THAP4: variants seen among roughly 807,000 people sequenced by gnomAD.
THAP4 encodes the protein peroxynitrite isomerase THAP4.
THAP4 carries 18 observed loss-of-function variants against 48.1 expected under a neutral mutation model. The observed-to-expected ratio is 0.37, with a 90% CI of 0.26 to 0.56. The LOEUF (loss-of-function observed/expected upper bound fraction) is 0.56. THAP4 is among the 20% of genes least tolerant of loss of function. THAP4 has a pLI of 0.78. For missense variants in THAP4, 656 were observed against 774.9 expected (o/e 0.85, Z 1.82); for synonymous variants, 345 against 324.9 (o/e 1.06, Z -0.66).
chr2:241,626,666 T>A (rs1360767026), intron 2 of THAP4, among the ~76,000 whole-genome samples: 1 of 151,772 alleles, frequency 6.6e-6, no homozygotes, highest in African/African-American at 2.4e-5. Flanking sequence ...CGGGTTCAAG[T>A]GATCCTCCTG....
At chr2:241,636,219 C>T (rs983591583) in intron 1 of THAP4, among the ~76,000 whole-genome samples, 1 of 152,236 alleles carries the variant, frequency 6.6e-6, no homozygotes, top group African/African-American at 2.4e-5. Flanking sequence ...CGTGCCATTC[C>T]CGTCTTTAAA....
intron 3 of THAP4, 148 bp from the exon 4 acceptor site, chr2:241,603,227 A>C: frequency 3.1e-6 from 2 of 651,158 alleles, no homozygotes; most frequent in Non-Finnish European, 5.5e-6. Context: ...CACCTTGCTC[A>C]TTTTGGCTGT....
intron 2 of THAP4, among the ~76,000 whole-genome samples, chr2:241,628,262 C>T (rs948193672): frequency 1.3e-4 from 20 of 152,090 alleles, no homozygotes; most frequent in African/African-American, 3.4e-4. Context: ...GCTCCTGGGC[C>T]GGGCACTGAA....
intron 5 of THAP4, 67 bp from the exon 6 acceptor site, chr2:241,584,792 G>A (rs546655238): frequency 9.5e-6 from 15 of 1,585,650 alleles, no homozygotes; most frequent in South Asian, 3.3e-5. Flanking sequence ...ATGCCTGTGC[G>A]CCCACTGCAT....
At chr2:241,617,600 C>T (rs2067363878) in intron 2 of THAP4, 2 of 795,986 alleles carry the variant, frequency 2.5e-6, no homozygotes, top group Non-Finnish European at 1.9e-6. Context: ...AAGTAAAAGA[C>T]AATGACAGCC....
chr2:241,600,779 A>G (rs975099596), intron 5 of THAP4, among the ~76,000 whole-genome samples: 2 of 151,490 alleles, frequency 1.3e-5, no homozygotes, highest in African/African-American at 4.8e-5. Flanking sequence ...ATCATTTTGG[A>G]GTGGACAACA....
intron 2 of THAP4, among the ~76,000 whole-genome samples, chr2:241,620,836 T>C (rs761005886): frequency 2.6e-5 from 4 of 152,118 alleles, no homozygotes; most frequent in Non-Finnish European, 5.9e-5. Flanking sequence ...CTCAGCTCCA[T>C]TATAATCTTA....
At chr2:241,606,910 G>A (rs1055331474) in intron 2 of THAP4, among the ~76,000 whole-genome samples, 2 of 152,172 alleles carry the variant, frequency 1.3e-5, no homozygotes, top group African/African-American at 4.8e-5. Context: ...CCTACAGCAA[G>A]GCTGAAAGCA....
chr2:241,587,872 G>A (rs754555238), intron 5 of THAP4, among the ~76,000 whole-genome samples: 14 of 151,320 alleles, frequency 9.3e-5, no homozygotes, highest in African/African-American at 1.5e-4. Flanking sequence ...CCAAGATTGC[G>A]CCACTGCACT....
chr2:241,589,904 A>C (rs1288333015), intron 5 of THAP4, among the ~76,000 whole-genome samples: 1 of 152,160 alleles, frequency 6.6e-6, no homozygotes, highest in East Asian at 1.9e-4. Flanking sequence ...TTCAGTGAGG[A>C]AAGGAGACCG....
chr2:241,631,542 T>C (rs2067561155), intron 2 of THAP4, among the ~76,000 whole-genome samples: 2 of 152,232 alleles, frequency 1.3e-5, no homozygotes, highest in South Asian at 4.1e-4. Flanking sequence ...CACAGCTCAC[T>C]ACAGCCTCGA....
chr2:241,617,380 G>A, intron 2 of THAP4: 1 of 1,440,780 alleles, frequency 6.9e-7, no homozygotes, highest in Non-Finnish European at 9.5e-7. Flanking sequence ...AAATTTTCAT[G>A]TTTTGGCCCA....
chr2:241,585,764 G>A (rs562496546), intron 5 of THAP4, among the ~76,000 whole-genome samples: 43 of 151,786 alleles, frequency 2.8e-4, no homozygotes, highest in African/African-American at 1.0e-3. Flanking sequence ...GAGGAGAGGC[G>A]CAGCCGGGCA....
chr2:241,628,738 A>C (rs1164690838), intron 2 of THAP4, among the ~76,000 whole-genome samples: 4 of 147,058 alleles, frequency 2.7e-5, no homozygotes, highest in Non-Finnish European at 4.5e-5. Flanking sequence ...CATCTCTACA[A>C]AAAAAAAAAC....
At position 241,585,919 on chromosome 2, in the gene THAP4, AAAAAAAAAAAG is replaced by A. The variant is rs1202520595; in HGVS notation, c.1615-1205_1615-1195del. Among the ~76,000 whole-genome samples, 122 of 145,444 alleles carry A rather than the reference AAAAAAAAAAAG, an allele frequency of 8.4e-4. 1 individual carries two copies. The highest frequency in any genetic ancestry group is 7.5e-4 in the Admixed American group (11 of 14,596). On this transcript the variant is annotated intron_variant, in intron 5 of 5. Transcript: ENST00000407315. ...CAGAGCAAGACTCCTTCTCAAAAAA[AAAAAAAAAAAG>A]AAAAAAAAAAGAAAAAGAAAAAGAA...
At chr2:241,623,336 T>C (rs2067457920) in intron 2 of THAP4, among the ~76,000 whole-genome samples, 1 of 152,022 alleles carries the variant, frequency 6.6e-6, no homozygotes, top group South Asian at 2.1e-4. Context: ...TCCCAGCACT[T>C]TGGGAGGCTG....
intron 1 of THAP4, among the ~76,000 whole-genome samples, chr2:241,635,846 A>G (rs539626111): frequency 6.4e-4 from 98 of 152,236 alleles, no homozygotes; most frequent in African/African-American, 2.1e-3. Context: ...TCTAACTGCT[A>G]TTTGCTCCAC....
At chr2:241,590,617 G>T (rs2066955140) in intron 5 of THAP4, among the ~76,000 whole-genome samples, 1 of 151,746 alleles carries the variant, frequency 6.6e-6, no homozygotes, top group Non-Finnish European at 1.5e-5. Context: ...TGATGATGAT[G>T]GGCACTAGGA....
Position 241,602,040 on chromosome 2 carries a change from G to GTGA in THAP4, c.1511-42_1511-41insTCA, listed in dbSNP as rs756430074. On this transcript the variant is annotated intron_variant, in intron 4 of 5. Coordinates refer to ENST00000407315, the MANE Select transcript of THAP4 (RefSeq NM_015963.6). ...AGTCAGCTCACCCAGCAGCTGCTCG[G>GTGA]CTTGCAGAGAGGCAGCCTTGACTCT... The GTGA allele has an allele frequency of 1.9e-5, 30 of 1,593,160 alleles. No homozygotes were observed. In the African/African-American group the frequency reaches 3.3e-4, roughly 18 times the overall value.
Sources: allele counts gnomAD v4.1 joint callset (sites outside exome capture counted in the v4.1 genomes callset), GRCh38; gene constraint gnomAD v4.1.1; transcripts MANE v1.5; gene names NCBI Gene and HGNC (gene_info 2026-07-23, HGNC 2026-07-21).